The following ETV6 variants were observed in gnomAD, a reference collection of about 807,000 sequenced individuals.
ETV6 encodes transcription factor ETV6.
In ETV6, 16 loss-of-function variants were observed where a neutral mutation model predicts 51.1. The observed-to-expected ratio is 0.31, with a 90% CI of 0.21 to 0.48. ETV6 has a LOEUF of 0.48. ETV6 is among the 20% of genes least tolerant of loss of function. ETV6 has a pLI of 0.99. For missense variants in ETV6, 458 were observed against 594.8 expected (o/e 0.77, Z 2.39); for synonymous variants, 240 against 224.1 (o/e 1.07, Z -0.64).
intron 3 of ETV6, among the ~76,000 whole-genome samples, chr12:11,851,337 G>A (rs141622763): frequency 1.3e-5 from 2 of 152,054 alleles, no homozygotes; most frequent in East Asian, 1.9e-4. Flanking sequence ...CCCAGCAAGT[G>A]TGAGGCCCTG....
At chr12:11,707,855 C>T (rs1321323920) in intron 1 of ETV6, among the ~76,000 whole-genome samples, 6 of 152,144 alleles carry the variant, frequency 3.9e-5, no homozygotes, top group African/African-American at 9.7e-5. Flanking sequence ...GCCATATTTA[C>T]CTGTTAACTG....
chr12:11,811,694 T>C (rs1175225121), intron 2 of ETV6, among the ~76,000 whole-genome samples: 1 of 152,086 alleles, frequency 6.6e-6, no homozygotes, highest in African/African-American at 2.4e-5. Context: ...CAAAATAACA[T>C]TTCTGAGTGC....
rs1945559628 is a variant in ETV6 at position 11,790,128 on chromosome 12, T to C, written c.163+37549T>C. On this transcript the variant is annotated intron_variant, in intron 2 of 7. Transcript: ENST00000396373. ...TTTTTTTTGTTTCTGATATCATACT[T>C]TTAATATTCAAGTACTTTTTTTGTT... Among the ~76,000 whole-genome samples the C allele has an allele frequency of 3.3e-5, 5 of 151,864 alleles. No homozygotes were observed. In the South Asian group the frequency reaches 1.0e-3, roughly 32 times the overall value.
intron 2 of ETV6, among the ~76,000 whole-genome samples, chr12:11,773,801 G>A (rs966566535): frequency 1.3e-5 from 2 of 152,200 alleles, no homozygotes; most frequent in Non-Finnish European, 2.9e-5. Flanking sequence ...CTGGGAAGGC[G>A]GTCCTCTGAA....
At chr12:11,719,808 C>T (rs1190373515) in intron 1 of ETV6, among the ~76,000 whole-genome samples, 1 of 152,224 alleles carries the variant, frequency 6.6e-6, no homozygotes, top group Non-Finnish European at 1.5e-5. Flanking sequence ...GTAACAGACC[C>T]TCTGCCTCCT....
intron 5 of ETV6, among the ~76,000 whole-genome samples, chr12:11,875,713 CAAAA>C (rs1196298661): frequency 6.6e-6 from 1 of 152,136 alleles, no homozygotes; most frequent in Non-Finnish European, 1.5e-5. Flanking sequence ...GTGTTTTTCC[CAAAA>C]TTATTGTTTC....
At chr12:11,698,480 C>T (rs144976445) in intron 1 of ETV6, among the ~76,000 whole-genome samples, 107 of 152,276 alleles carry the variant, frequency 7.0e-4, no homozygotes, top group African/African-American at 2.5e-3. Flanking sequence ...GAATTTAGTA[C>T]CTTGTGGTTG....
chr12:11,718,013 A>T (rs1313332254), intron 1 of ETV6, among the ~76,000 whole-genome samples: 1 of 152,202 alleles, frequency 6.6e-6, no homozygotes, highest in African/African-American at 2.4e-5. Context: ...CCACCTTTTA[A>T]AACAACCTTC....
intron 2 of ETV6, among the ~76,000 whole-genome samples, chr12:11,805,454 A>G (rs111578881): frequency 6.6e-6 from 1 of 152,232 alleles, no homozygotes; most frequent in African/African-American, 2.4e-5. Context: ...TGTCTCATCA[A>G]TGTAGTTACA....
intron 1 of ETV6, among the ~76,000 whole-genome samples, chr12:11,710,589 T>G (rs1250905537): frequency 3.9e-5 from 6 of 152,046 alleles, no homozygotes; most frequent in African/African-American, 1.4e-4. Flanking sequence ...AAACACATTA[T>G]GAACTGGAAA....
intron 4 of ETV6, among the ~76,000 whole-genome samples, chr12:11,857,747 C>G (rs758692639): frequency 6.6e-6 from 1 of 152,152 alleles, no homozygotes; most frequent in African/African-American, 2.4e-5. Context: ...ACCGGGAAAC[C>G]AGGTCCTAAC....
chr12:11,733,374 G>C (rs900573827), intron 1 of ETV6, among the ~76,000 whole-genome samples: 1 of 136,034 alleles, frequency 7.4e-6, no homozygotes, highest in East Asian at 2.2e-4. Flanking sequence ...CACCACTGCA[G>C]TGCAGCCTGG....
Position 11,661,449 on chromosome 12 carries a change from ACT to A in ETV6, c.33+11293_33+11294del, listed in dbSNP as rs565269378. Among the ~76,000 whole-genome samples the A allele has an allele frequency of 8.9e-4, 136 of 152,300 alleles. 1 individual carries two copies. The highest frequency in any genetic ancestry group is 3.2e-3 in the African/African-American group (132 of 41,550). On this transcript the variant is annotated intron_variant, in intron 1 of 7. Coordinates refer to ENST00000396373, the MANE Select transcript of ETV6 (RefSeq NM_001987.5). ...CAGCAATGGCTGGGAACAGCAGGAC[ACT>A]CTCACTTTGTACCTTTTGATCTGGT... is the stretch of plus-strand genomic sequence containing the variant.
intron 3 of ETV6, among the ~76,000 whole-genome samples, chr12:11,845,475 C>G (rs1326524452): frequency 6.6e-6 from 1 of 152,160 alleles, no homozygotes; most frequent in Non-Finnish European, 1.5e-5. Flanking sequence ...TATCTGTTTT[C>G]TAACAGATTT....
At chr12:11,832,789 C>T (rs1163795056) in intron 2 of ETV6, among the ~76,000 whole-genome samples, 2 of 152,198 alleles carry the variant, frequency 1.3e-5, no homozygotes, top group Non-Finnish European at 2.9e-5. Flanking sequence ...TGTCCAAAAA[C>T]CAGAGTATTT....
intron 2 of ETV6, among the ~76,000 whole-genome samples, chr12:11,760,904 G>GTA (rs1253248735): frequency 8.0e-5 from 12 of 149,838 alleles, no homozygotes; most frequent in Admixed American, 2.0e-4. Context: ...GTGTGTGTGT[G>GTA]TGTGTATATA....
chr12:11,782,256 ATCT>A (rs1344495553), intron 2 of ETV6, among the ~76,000 whole-genome samples: 3 of 152,204 alleles, frequency 2.0e-5, no homozygotes, highest in South Asian at 2.1e-4. Context: ...TAGGCAAGAC[ATCT>A]TCTTGGGTCA....
chr12:11,677,063 G>A (rs921842547), intron 1 of ETV6, among the ~76,000 whole-genome samples: 2 of 152,180 alleles, frequency 1.3e-5, no homozygotes, highest in African/African-American at 4.8e-5. Flanking sequence ...AACCTGCAGT[G>A]GTTTGGTTTT....
chr12:11,713,102 C>T lies in ETV6; in HGVS notation c.34-39348C>T, dbSNP rs578043374. Among the ~76,000 whole-genome samples, 5 of 152,256 alleles carry T rather than the reference C, an allele frequency of 3.3e-5. No homozygotes were observed. In the East Asian group the frequency reaches 7.7e-4, roughly 23 times the overall value. Reference sequence around the variant, plus strand: ...TGATGAATTTAAACTGGAAAGAGAACAGATCCTGATGCCAGTCAGGATAGA... The same window carrying T: ...TGATGAATTTAAACTGGAAAGAGAATAGATCCTGATGCCAGTCAGGATAGA... On this transcript the variant is annotated intron_variant, in intron 1 of 7. Transcript: ENST00000396373.
Sources: allele counts gnomAD v4.1 joint callset (sites outside exome capture counted in the v4.1 genomes callset), GRCh38; gene constraint gnomAD v4.1.1; transcripts MANE v1.5; gene names NCBI Gene and HGNC (gene_info 2026-07-23, HGNC 2026-07-21).